The following SLC7A14 variants were observed in gnomAD, a reference collection of about 807,000 sequenced individuals.
The protein encoded by SLC7A14 is solute carrier family 7 member 14.
A neutral mutation model predicts 60.2 loss-of-function variants in SLC7A14; 37 were observed. That is an observed-to-expected ratio of 0.61 (90% confidence interval 0.47 to 0.81). The LOEUF (loss-of-function observed/expected upper bound fraction) is 0.81, where lower values mean the gene tolerates loss of function less well. Ranked by LOEUF, SLC7A14 falls within the 30% of genes least tolerant of loss-of-function variation. The probability of loss-of-function intolerance (pLI) is 0.00; values close to 1 mark genes in which losing one functional copy is unlikely to be tolerated. For missense variants in SLC7A14, 886 were observed against 982.7 expected (o/e 0.90, Z 1.32); for synonymous variants, 399 against 395.8 (o/e 1.01, Z -0.10).
chr3:170,564,597 C>G (rs1193345816), intron 1 of SLC7A14, among the ~76,000 whole-genome samples: 3 of 152,240 alleles, frequency 2.0e-5, no homozygotes, highest in Non-Finnish European at 4.4e-5. Flanking sequence ...TACAAAGCCT[C>G]TAGTCTCTGA....
In SLC7A14 at chr3:170,483,361, C is replaced by T. The variant is rs758020483; in HGVS notation, c.1068G>A (p.Pro356=). ...LTVSLLGSLF[P]MPRVIYAMAG... is the part of the protein sequence containing the mutation. ...CCATGGCATAAATGACCCTCGGCATCGGGAAGAGGGACCCCAGCAAGCTGA... is the reference window on the plus strand; with the variant it reads ...CCATGGCATAAATGACCCTCGGCATTGGGAAGAGGGACCCCAGCAAGCTGA... Residue 356 remains proline, a synonymous_variant, in exon 6 of 8, where the codon CCG becomes CCA. Transcript: ENST00000231706. 1.4e-5 allele frequency: 23 copies of T among 1,614,028 alleles called. No individual in the cohort carries two copies. Among genetic ancestry groups the T allele is most frequent in the African/African-American group, 2.7e-5 (2 of 74,912 alleles).
rs530572560 is a variant in SLC7A14, at chr3:170,520,638, T to A, written c.304+5995A>T. Among the ~76,000 whole-genome samples the A allele has an allele frequency of 3.3e-5, 5 of 152,372 alleles. No individual in the cohort carries two copies. In the South Asian group the frequency reaches 1.0e-3, roughly 32 times the overall value. On this transcript the variant is annotated intron_variant, in intron 2 of 7. Transcript: ENST00000231706. ...TGTGTACCAGGGAAAGGACTGATGC[T>A]GTGTATGCATACTGTTGTTGAATCC...
In SLC7A14 at chr3:170,498,740, A is replaced by G. The variant is rs759974444; in HGVS notation, c.686T>C (p.Met229Thr). ...VLNLAVWVFI[M>T]IAGLFFINGK... ...ATTGATGAAGAAGAGGCCTGCGATC[A>G]TGATGAACACCCATACTGCCAGGTT... The change falls in exon 4 of 8, where the codon ATG becomes ACG. Residue 229 changes from methionine (M) to threonine (T), a missense_variant. Transcript: ENST00000231706. 2.5e-6 allele frequency: 4 copies of G among 1,614,214 alleles called. No homozygotes were observed. The South Asian group carries it at 4.4e-5, about 18-fold the overall frequency.
intron 2 of SLC7A14, among the ~76,000 whole-genome samples, chr3:170,515,693 A>G (rs927311133): frequency 6.6e-6 from 1 of 152,014 alleles, no homozygotes; most frequent in Admixed American, 6.6e-5. Context: ...GTTGTTTTTC[A>G]TGCAAACTAA....
chr3:170,569,186 T>A (rs1479398901), intron 1 of SLC7A14, among the ~76,000 whole-genome samples: 3 of 152,210 alleles, frequency 2.0e-5, no homozygotes, highest in African/African-American at 7.2e-5. Flanking sequence ...ATACATCCCA[T>A]CAATACCTAA....
intron 1 of SLC7A14, among the ~76,000 whole-genome samples, chr3:170,573,455 T>C (rs1252424529): frequency 6.6e-6 from 1 of 152,248 alleles, no homozygotes; most frequent in Non-Finnish European, 1.5e-5. Context: ...TGAATAATGA[T>C]AATGATTTTG....
intron 1 of SLC7A14, among the ~76,000 whole-genome samples, chr3:170,549,367 A>G (rs1282268953): frequency 6.6e-6 from 1 of 152,012 alleles, no homozygotes; most frequent in Non-Finnish European, 1.5e-5. Context: ...GGCGCGCACC[A>G]CCACACCTGG....
chr3:170,526,068 C>T (rs1713484979), intron 2 of SLC7A14, among the ~76,000 whole-genome samples: 1 of 147,264 alleles, frequency 6.8e-6, no homozygotes, highest in Non-Finnish European at 1.5e-5. Flanking sequence ...CAGAGCAAGA[C>T]TCTGTTTAAA....
At chr3:170,548,717 C>T (rs1007828757) in intron 1 of SLC7A14, among the ~76,000 whole-genome samples, 1 of 152,180 alleles carries the variant, frequency 6.6e-6, no homozygotes, top group African/African-American at 2.4e-5. Flanking sequence ...AACCGTTAGA[C>T]CATATTTTTG....
At chr3:170,520,315 A>T (rs1713304562) in intron 2 of SLC7A14, among the ~76,000 whole-genome samples, 1 of 152,218 alleles carries the variant, frequency 6.6e-6, no homozygotes, top group Non-Finnish European at 1.5e-5. Context: ...ATGCACTTAG[A>T]ACTCTTTTGG....
Position 170,532,939 on chromosome 3 carries a change from T to C in SLC7A14, c.-152-5851A>G, listed in dbSNP as rs188156573. Among the ~76,000 whole-genome samples the C allele has an allele frequency of 3.3e-5, 5 of 152,338 alleles. No homozygotes were observed. The East Asian group carries it at 9.6e-4, about 29-fold the overall frequency. ...TTTATCTAAAGGGGCCTTCAGCAGA[T>C]TTGCTTAGGCCTTTGGGTGTTATGC... On this transcript the variant is annotated intron_variant, in intron 1 of 7. Transcript: ENST00000231706. This position sits in a 1 kb window ranked among gnomAD's most constrained non-coding sequence, Gnocchi z 4.0.
chr3:170,544,493 T>C (rs1035861080), intron 1 of SLC7A14, among the ~76,000 whole-genome samples: 1 of 152,214 alleles, frequency 6.6e-6, no homozygotes, highest in African/African-American at 2.4e-5. Context: ...ATATGATGCT[T>C]ACTATGTACC....
At chr3:170,491,426 T>C (rs1712215454) in intron 4 of SLC7A14, among the ~76,000 whole-genome samples, 1 of 152,070 alleles carries the variant, frequency 6.6e-6, no homozygotes. Flanking sequence ...GCAGGACATG[T>C]GGAGGTTCTA....
At chr3:170,500,842 C>T (rs951317175) in intron 3 of SLC7A14, among the ~76,000 whole-genome samples, 8 of 152,106 alleles carry the variant, frequency 5.3e-5, no homozygotes, top group African/African-American at 1.9e-4. Context: ...TCACTTGCCC[C>T]ACTGTAGAAT....
chr3:170,489,573 CA>C (rs1159081392), intron 4 of SLC7A14, among the ~76,000 whole-genome samples: 6 of 152,222 alleles, frequency 3.9e-5, no homozygotes, highest in African/African-American at 1.4e-4. Flanking sequence ...TATGTTCCAG[CA>C]ATCCCACTGC....
rs776435891 is a variant in SLC7A14, at chr3:170,461,624, C to T, written c.*5431G>A. 2 of 152,306 alleles carry T rather than the reference C, an allele frequency of 1.3e-5. No homozygotes were observed. The highest frequency in any genetic ancestry group is 2.9e-5 in the Non-Finnish European group (2 of 68,064). The allele number at this position is 152,306 out of a possible 1,614,324, so 9.4% of individuals were successfully genotyped here. On this transcript the variant is annotated 3_prime_UTR_variant, in exon 8 of 8. Coordinates refer to ENST00000231706, the MANE Select transcript of SLC7A14 (RefSeq NM_020949.3). ...AACTCCTTGGTGAAACTTCAGCTTT[C>T]TGGTTCCTGCGTGTGGTGGGGCCTG... is the stretch of plus-strand genomic sequence containing the variant.
At chr3:170,492,871 A>G (rs1381083270) in intron 4 of SLC7A14, among the ~76,000 whole-genome samples, 2 of 152,286 alleles carry the variant, frequency 1.3e-5, no homozygotes, top group Non-Finnish European at 2.9e-5. Context: ...CAAAATTCCA[A>G]CTTTTCACAG....
chr3:170,490,982 CCTCCTCCTTCT>C (rs1242246035), intron 4 of SLC7A14, among the ~76,000 whole-genome samples: 40 of 152,140 alleles, frequency 2.6e-4, no homozygotes, highest in Admixed American at 2.6e-3. Flanking sequence ...GGCACAAACT[CCTCCTCCTTCT>C]CTCCTCCTTC....
Position 170,585,693 on chromosome 3 carries a change from A to G in SLC7A14, c.-153+218T>C, listed in dbSNP as rs1031180106. 1.3e-5 allele frequency among the ~76,000 whole-genome samples: 2 copies of G among 151,834 alleles called. No individual in the cohort carries two copies. The highest frequency in any genetic ancestry group is 2.9e-5 in the Non-Finnish European group (2 of 67,950). Reference sequence around the variant, plus strand: ...CAGTCGGGGCCTCATTCCGGGCCAGAGCAGGAAAGAGCCCGACCCACCTCC... The same window carrying G: ...CAGTCGGGGCCTCATTCCGGGCCAGGGCAGGAAAGAGCCCGACCCACCTCC... On this transcript the variant is annotated intron_variant, in intron 1 of 7. Transcript: ENST00000231706. The surrounding 1 kb of genome is among the most constrained non-coding windows in gnomAD (Gnocchi z 5.1).
Sources: gnomAD v4.1 joint callset for allele counts (sites outside exome capture counted in the v4.1 genomes callset) on GRCh38, gnomAD v4.1.1 for gene constraint, Gnocchi (gnomAD v3.1) non-coding constraint, MANE v1.5 for transcripts, NCBI Gene and HGNC (gene_info 2026-07-23, HGNC 2026-07-21) for gene names.